Variants in ERBIN observed in about 807,000 individuals in gnomAD.
The protein encoded by ERBIN is densin-180-like protein.
In ERBIN, 60 loss-of-function variants were observed where a neutral mutation model predicts 158.4. The ratio of observed to expected loss-of-function variants is 0.38; its 90% CI spans 0.31 to 0.47. ERBIN has a LOEUF of 0.47. Ranked by LOEUF, ERBIN falls within the 20% of genes least tolerant of loss-of-function variation. The pLI is 0.99. For synonymous variants in ERBIN, 594 were observed against 557.2 expected (o/e 1.07, Z -0.93); for missense variants, 1,610 against 1,648.0 (o/e 0.98, Z 0.40).
chr5:65,961,123 T>C (rs539244292), intron 1 of ERBIN: 6 of 152,354 alleles, frequency 3.9e-5, no homozygotes, highest in Non-Finnish European at 8.8e-5. Context: ...CAATTCCTTC[T>C]GTGTAATTCT....
intron 1 of ERBIN, among the ~76,000 whole-genome samples, chr5:65,955,544 C>T (rs6887222): frequency 0.04 from 6,117 of 152,238 alleles, 417 homozygotes; most frequent in African/African-American, 0.14. Context: ...GCAGGAGAAT[C>T]GCTTGAACCT....
intron 21 of ERBIN, chr5:66,069,006 G>A (rs1187924017): frequency 6.5e-7 from 1 of 1,533,030 alleles, no homozygotes; most frequent in Non-Finnish European, 8.7e-7. Flanking sequence ...AGGTTCTGGT[G>A]GGCACATTTT....
intron 7 of ERBIN, among the ~76,000 whole-genome samples, chr5:66,018,945 A>AT (rs201373823): frequency 2.6e-5 from 4 of 151,808 alleles, no homozygotes; most frequent in African/African-American, 9.7e-5. Flanking sequence ...GGTATGTCAT[A>AT]TTTTTTGTAA....
At chr5:66,009,648 A>G (rs1421217637) in intron 4 of ERBIN, among the ~76,000 whole-genome samples, 6 of 152,150 alleles carry the variant, frequency 3.9e-5, no homozygotes, top group Non-Finnish European at 8.8e-5. Flanking sequence ...AGAGCATTCT[A>G]AGTAAAAAGA....
intron 1 of ERBIN, among the ~76,000 whole-genome samples, chr5:65,960,623 A>T (rs1476127020): frequency 6.6e-6 from 1 of 152,174 alleles, no homozygotes; most frequent in Non-Finnish European, 1.5e-5. Flanking sequence ...TTGCCCTTGG[A>T]TGTAGGCTCT....
chr5:66,023,001 C>CAAATTATATAAAAA (rs1755859932), intron 8 of ERBIN: 2 of 235,716 alleles, frequency 8.5e-6, no homozygotes, highest in Non-Finnish European at 8.0e-6. Flanking sequence ...AAAACTTGCC[C>CAAATTATATAAAAA]CTGTTGTGTA....
Position 66,046,465 on chromosome 5 carries a change from G to A in ERBIN, c.1715G>A (p.Ser572Asn), listed in dbSNP as rs2151213324. The A allele has an allele frequency of 1.9e-6, 3 of 1,611,778 alleles. No homozygotes were observed. Among genetic ancestry groups the A allele is most frequent in the African/African-American group, 2.7e-5 (2 of 74,976 alleles). ...SEPEAEISPG[S>N]LPVTANMKAS... is the part of the protein sequence containing the mutation. ...CCTGAAGCTGAGATTAGTCCTGGGA[G>A]TTTACCAGTGACTGCAAATATGAAA... The change falls in exon 18 of 26, where the codon AGT (serine) becomes AAT (asparagine). Residue 572 changes from serine (S) to asparagine (N), a missense_variant. Physicochemically the swap from Ser to Asn is conservative, Grantham distance 46. Around this residue, in one of 2 missense-constraint regions of ERBIN, gnomAD observed 596 missense variants for 711.9 expected, o/e 0.84. Coordinates refer to ENST00000284037, the MANE Select transcript of ERBIN (RefSeq NM_001253697.2).
chr5:66,031,150 A>G (rs1756829662), intron 14 of ERBIN, among the ~76,000 whole-genome samples: 1 of 152,222 alleles, frequency 6.6e-6, no homozygotes, highest in South Asian at 2.1e-4. Context: ...AATGACATGT[A>G]GAGGAGAAGG....
chr5:65,946,277 T>C (rs1014050866), intron 1 of ERBIN, among the ~76,000 whole-genome samples: 1 of 152,068 alleles, frequency 6.6e-6, no homozygotes, highest in Non-Finnish European at 1.5e-5. Flanking sequence ...GATGGAGGTA[T>C]TGCTTGATCC....
At chr5:66,028,443 G>A (rs1376885982) in intron 14 of ERBIN, 100 bp downstream of exon 14, 8 of 784,302 alleles carry the variant, frequency 1.0e-5, no homozygotes, top group Non-Finnish European at 1.0e-5. Context: ...CTATACATGT[G>A]GTACACATGT....
chr5:65,939,738 G>A (rs1433841416), intron 1 of ERBIN, among the ~76,000 whole-genome samples: 1 of 152,258 alleles, frequency 6.6e-6, no homozygotes, highest in Non-Finnish European at 1.5e-5. Context: ...TGGTGGAGAC[G>A]GGGTTTCGCT....
At chr5:65,963,541 T>A (rs370105885) in intron 1 of ERBIN, among the ~76,000 whole-genome samples, 38 of 152,146 alleles carry the variant, frequency 2.5e-4, no homozygotes, top group African/African-American at 8.9e-4. Flanking sequence ...GAGGTTGCAG[T>A]GAGCTGAGAT....
At chr5:66,069,879 T>C (rs1424547061) in intron 21 of ERBIN, among the ~76,000 whole-genome samples, 1 of 152,190 alleles carries the variant, frequency 6.6e-6, no homozygotes, top group Non-Finnish European at 1.5e-5. Flanking sequence ...GGCTTTCTTC[T>C]GGTGTTACAG....
At chr5:66,070,461 T>G (rs368888253) in intron 21 of ERBIN, among the ~76,000 whole-genome samples, 79 of 152,282 alleles carry the variant, frequency 5.2e-4, no homozygotes, top group South Asian at 3.3e-3. Flanking sequence ...TCTTTGCCAT[T>G]TATAGTCACC....
At chr5:65,991,598 C>T (rs1376210403) in intron 2 of ERBIN, among the ~76,000 whole-genome samples, 9 of 151,994 alleles carry the variant, frequency 5.9e-5, no homozygotes, top group African/African-American at 1.5e-4. Flanking sequence ...TTTTAAAAGT[C>T]GATTTTTAAA....
intron 21 of ERBIN, among the ~76,000 whole-genome samples, chr5:66,061,371 C>CT (rs575154369): frequency 0.011 from 1,661 of 151,800 alleles, 35 homozygotes; most frequent in African/African-American, 0.038. Flanking sequence ...CAACCCCTGC[C>CT]TTTTTTTTGT....
At chr5:66,034,854 G>A (rs1757235198) in intron 14 of ERBIN, among the ~76,000 whole-genome samples, 1 of 152,144 alleles carries the variant, frequency 6.6e-6, no homozygotes, top group Non-Finnish European at 1.5e-5. Context: ...GAATAATGCA[G>A]CAAAGAGGTC....
At chr5:65,978,512 C>G (rs1475781695) in intron 1 of ERBIN, among the ~76,000 whole-genome samples, 2 of 152,222 alleles carry the variant, frequency 1.3e-5, no homozygotes, top group Non-Finnish European at 2.9e-5. Flanking sequence ...AATTGGTGGA[C>G]TCAAGGAAGC....
intron 17 of ERBIN, among the ~76,000 whole-genome samples, chr5:66,045,789 A>T (rs1259453575): frequency 6.6e-6 from 1 of 152,216 alleles, no homozygotes; most frequent in Non-Finnish European, 1.5e-5. Context: ...TGAATGCCAG[A>T]AAAATTATTA....
Sources: allele counts gnomAD v4.1 joint callset (sites outside exome capture counted in the v4.1 genomes callset), GRCh38; gene constraint gnomAD v4.1.1; regional missense constraint gnomAD v4.1.1; transcripts MANE v1.5; gene names NCBI Gene and HGNC (gene_info 2026-07-23, HGNC 2026-07-21).